NUP93: variants seen among roughly 807,000 people sequenced by gnomAD.
NUP93 encodes nuclear pore complex protein Nup93.
Under a neutral mutation model 107.8 loss-of-function variants are expected in NUP93, and 55 were observed. The ratio of observed to expected loss-of-function variants is 0.51; its 90% CI spans 0.41 to 0.64. The LOEUF (loss-of-function observed/expected upper bound fraction) is 0.64, where lower values mean the gene tolerates loss of function less well. NUP93 is among the 30% of genes least tolerant of loss of function. The probability of loss-of-function intolerance (pLI) is 0.00; values close to 1 mark genes in which losing one functional copy is unlikely to be tolerated. For synonymous variants in NUP93, 390 were observed against 397.5 expected, an observed-to-expected ratio of 0.98 and a Z score of 0.22; for missense variants, 937 against 1,044.7, an observed-to-expected ratio of 0.90 and a Z score of 1.42.
At chr16:56,833,713 A>G (rs943945442) in intron 13 of NUP93, among the ~76,000 whole-genome samples, 2 of 151,930 alleles carry the variant, frequency 1.3e-5, no homozygotes, top group East Asian at 3.9e-4. Flanking sequence ...TCTGATTCCC[A>G]TTAGGGCTGG....
chr16:56,832,517 G>A, intron 12 of NUP93, 129 bp downstream of exon 12: 2 of 686,060 alleles, frequency 2.9e-6, no homozygotes, highest in Non-Finnish European at 5.2e-6. Flanking sequence ...AGATTGTCAA[G>A]GCAAAACACA....
intron 6 of NUP93, 130 bp from the exon 7 acceptor site, chr16:56,821,374 G>A: frequency 3.3e-6 from 2 of 610,980 alleles, no homozygotes; most frequent in Non-Finnish European, 2.9e-6. Flanking sequence ...GCTGGCCAGT[G>A]TGGATGGCTC....
intron 20 of NUP93, among the ~76,000 whole-genome samples, chr16:56,840,583 A>G (rs919461474): frequency 3.3e-5 from 5 of 152,204 alleles, no homozygotes; most frequent in African/African-American, 9.7e-5. Flanking sequence ...CTTCTCTAGA[A>G]CTATAAACAC....
At chr16:56,766,391 G>T (rs1442134817) in intron 3 of NUP93, among the ~76,000 whole-genome samples, 1 of 152,146 alleles carries the variant, frequency 6.6e-6, no homozygotes, top group Non-Finnish European at 1.5e-5. Context: ...CTCTTAACCT[G>T]CCGATACCAG....
At chr16:56,750,517 G>C (rs533281485) in intron 2 of NUP93, among the ~76,000 whole-genome samples, 44 of 152,300 alleles carry the variant, frequency 2.9e-4, no homozygotes, top group African/African-American at 9.6e-4. Context: ...TTTTGTTTTA[G>C]AGAATAGCTT....
chr16:56,732,152 C>G (rs1222980946), intron 1 of NUP93, among the ~76,000 whole-genome samples: 1 of 152,284 alleles, frequency 6.6e-6, no homozygotes, highest in East Asian at 1.9e-4. Flanking sequence ...TCCCCATTTC[C>G]CGCCTCCCTT....
intron 2 of NUP93, among the ~76,000 whole-genome samples, chr16:56,754,095 AG>A (rs1961973480): frequency 6.6e-6 from 1 of 152,246 alleles, no homozygotes; most frequent in African/African-American, 2.4e-5. Context: ...AAGGGAAGAC[AG>A]GCACATCTTC....
chr16:56,807,736 G>A (rs1387495849), intron 5 of NUP93, among the ~76,000 whole-genome samples: 1 of 151,980 alleles, frequency 6.6e-6, no homozygotes, highest in East Asian at 1.9e-4. Flanking sequence ...AATATAGGCA[G>A]TGTGGCCCGG....
intron 3 of NUP93, among the ~76,000 whole-genome samples, chr16:56,775,906 A>G (rs1189992370): frequency 3.3e-5 from 5 of 152,178 alleles, no homozygotes; most frequent in East Asian, 1.9e-4. Context: ...TGCACCCTTC[A>G]TGTAGGACCA....
intron 1 of NUP93, among the ~76,000 whole-genome samples, chr16:56,743,729 G>A (rs1308957743): frequency 6.6e-6 from 1 of 152,152 alleles, no homozygotes; most frequent in African/African-American, 2.4e-5. Flanking sequence ...CCCCCTTGAA[G>A]CCTTCCTCAT....
At chr16:56,735,171 G>A (rs1961591978) in intron 1 of NUP93, among the ~76,000 whole-genome samples, 1 of 152,220 alleles carries the variant, frequency 6.6e-6, no homozygotes, top group African/African-American at 2.4e-5. Flanking sequence ...TGGTAGGTAG[G>A]ACTTGAGTTG....
At chr16:56,742,929 T>C (rs1961762713) in intron 1 of NUP93, among the ~76,000 whole-genome samples, 1 of 152,118 alleles carries the variant, frequency 6.6e-6, no homozygotes, top group African/African-American at 2.4e-5. Context: ...AAGAAACCAA[T>C]GAACTAATAA....
At chr16:56,759,482 T>G (rs1426200655) in intron 3 of NUP93, among the ~76,000 whole-genome samples, 2 of 152,190 alleles carry the variant, frequency 1.3e-5, no homozygotes, top group African/African-American at 4.8e-5. Context: ...TGGCCACATT[T>G]CTCCTGCATT....
At chr16:56,758,104 A>T (rs9922745) in intron 2 of NUP93, among the ~76,000 whole-genome samples, 1 of 151,246 alleles carries the variant, frequency 6.6e-6, no homozygotes, top group Non-Finnish European at 1.5e-5. Context: ...AGCTTGTGCC[A>T]CAGAACTAGA....
At chr16:56,783,810 A>G in intron 3 of NUP93, 1 of 985,454 alleles carries the variant, frequency 1.0e-6, no homozygotes, top group Non-Finnish European at 1.2e-6. Context: ...CACATTGTAT[A>G]GAAGAGTTCT....
intron 5 of NUP93, among the ~76,000 whole-genome samples, chr16:56,809,458 G>C (rs370285325): frequency 2.0e-5 from 3 of 152,054 alleles, no homozygotes; most frequent in African/African-American, 7.2e-5. Flanking sequence ...TTAAAATTAC[G>C]TTACAAAAAT....
intron 2 of NUP93, among the ~76,000 whole-genome samples, chr16:56,749,356 A>G (rs926803315): frequency 6.6e-6 from 1 of 152,244 alleles, no homozygotes. Context: ...AGAGAAGTCA[A>G]GTAACTCTTC....
At chr16:56,831,689 C>CGAGGG (rs1176322269) in intron 10 of NUP93, 153 bp from the exon 11 acceptor site, 6 of 703,526 alleles carry the variant, frequency 8.5e-6, no homozygotes, top group African/African-American at 3.6e-5. Flanking sequence ...GCGATGGTAC[C>CGAGGG]GAGGGGAGGG....
At chr16:56,797,147 G>A (rs569940873) in intron 3 of NUP93, among the ~76,000 whole-genome samples, 1 of 151,930 alleles carries the variant, frequency 6.6e-6, no homozygotes, top group Non-Finnish European at 1.5e-5. Flanking sequence ...GTGCATGCTT[G>A]TAATCCCAGC....
Sources: allele counts gnomAD v4.1 joint callset (sites outside exome capture counted in the v4.1 genomes callset), GRCh38; gene constraint gnomAD v4.1.1; transcripts MANE v1.5; gene names NCBI Gene and HGNC (gene_info 2026-07-23, HGNC 2026-07-21).